Variants in VPS54 observed in about 807,000 individuals in gnomAD.
VPS54 encodes VPS54 subunit of GARP complex.
Under a neutral mutation model 121.5 loss-of-function variants are expected in VPS54, and 45 were observed. The observed-to-expected ratio is 0.37, with a 90% CI of 0.29 to 0.47. VPS54 has a LOEUF of 0.47. Among genes scored for constraint, VPS54 ranks in the 20% least tolerant of loss-of-function variants. The pLI, the probability that VPS54 is intolerant of heterozygous loss-of-function variation, is 0.99. For synonymous variants in VPS54, 371 were observed against 385.8 expected, an observed-to-expected ratio of 0.96 and a Z score of 0.45; for missense variants, 1,090 against 1,131.4, an observed-to-expected ratio of 0.96 and a Z score of 0.52.
intron 7 of VPS54, 80 bp downstream of exon 7, chr2:63,961,978 A>G: frequency 2.9e-6 from 4 of 1,374,400 alleles, no homozygotes; most frequent in Non-Finnish European, 2.9e-6. Flanking sequence ...GAATATATTC[A>G]CACTTTTAAC....
intron 1 of VPS54, among the ~76,000 whole-genome samples, chr2:63,988,101 C>A (rs1459836562): frequency 6.6e-6 from 1 of 152,168 alleles, no homozygotes; most frequent in Non-Finnish European, 1.5e-5. Flanking sequence ...TGTTTCAGAT[C>A]TTAGAAGAAG....
chr2:63,957,286 CA>C lies in VPS54; in HGVS notation c.1010+4771del, dbSNP rs774013483. On this transcript the variant is annotated intron_variant, in intron 7 of 22. Coordinates refer to ENST00000272322, the MANE Select transcript of VPS54 (RefSeq NM_016516.3). ...TGAAACCCTGTCTCTACTAAAAATA[CA>C]AAAAATTAGCCAGGTGTGGTGGCGG... 7.3e-5 allele frequency among the ~76,000 whole-genome samples: 11 copies of C among 151,668 alleles called. No individual in the cohort carries two copies. The South Asian group carries it at 1.7e-3, about 23-fold the overall frequency.
At chr2:63,913,514 A>G (rs997309966) in intron 17 of VPS54, among the ~76,000 whole-genome samples, 12 of 152,338 alleles carry the variant, frequency 7.9e-5, no homozygotes, top group African/African-American at 2.9e-4. Flanking sequence ...TACTGATAAG[A>G]AAAAAGTTGA....
intron 12 of VPS54, among the ~76,000 whole-genome samples, chr2:63,925,952 ATTTTCC>A (rs1397379948): frequency 6.6e-6 from 1 of 152,208 alleles, no homozygotes; most frequent in Non-Finnish European, 1.5e-5. Flanking sequence ...TAATTGCTAC[ATTTTCC>A]CATATGTGCC....
chr2:63,942,552 A>T lies in VPS54; in HGVS notation c.1311T>A (p.Asp437Glu). ...IDTDVVVKLA[D>E]QMRMLNFPQW... Reference sequence around the variant, plus strand: ...GGGGAAAATTCAACATTCTCATCTGATCTGCAAGCCTAGAAAAAAATAATT... The same window carrying T: ...GGGGAAAATTCAACATTCTCATCTGTTCTGCAAGCCTAGAAAAAAATAATT... Residue 437 changes from aspartate (D) to glutamate (E), a missense_variant, in exon 11 of 23, where the codon GAT becomes GAA. Around this residue, in one of 2 missense-constraint regions of VPS54, gnomAD observed 801 missense variants for 757.0 expected, o/e 1.06. Coordinates refer to ENST00000272322, the MANE Select transcript of VPS54 (RefSeq NM_016516.3). 1 of 1,586,258 alleles carries T rather than the reference A, an allele frequency of 6.3e-7. No individual in the cohort carries two copies. Among genetic ancestry groups the T allele is most frequent in the Non-Finnish European group, 8.6e-7 (1 of 1,164,748 alleles).
In VPS54 at chr2:63,981,661, T is replaced by C. The variant is rs1482228507; in HGVS notation, c.363A>G (p.Gln121=). ...QISKEHFTVY[Q]QEISQREKIH... The stretch of plus-strand genomic sequence containing the variant: ...TAGATATTACCTGAGAGATTTCCTG[T>C]TGATATACTGTAAAATGTTCCTTGC... The change falls in exon 3 of 23, where the codon CAA becomes CAG. Residue 121 remains glutamine, a synonymous_variant. Coordinates refer to ENST00000272322, the MANE Select transcript of VPS54 (RefSeq NM_016516.3). 1.3e-6 allele frequency: 2 copies of C among 1,596,352 alleles called. No homozygotes were observed. Among genetic ancestry groups the C allele is most frequent in the Non-Finnish European group, 8.5e-7 (1 of 1,170,800 alleles).
intron 6 of VPS54, among the ~76,000 whole-genome samples, chr2:63,964,389 T>A (rs973056491): frequency 6.6e-6 from 1 of 152,214 alleles, no homozygotes; most frequent in African/African-American, 2.4e-5. Flanking sequence ...GTTTACTTCC[T>A]ATTAAAATGC....
chr2:63,962,479 G>C, intron 6 of VPS54, 36 bp from the exon 7 acceptor site: 1 of 1,550,322 alleles, frequency 6.5e-7, no homozygotes, highest in Non-Finnish European at 8.7e-7. Flanking sequence ...GAAGTACTAT[G>C]AGCATACCTT....
intron 9 of VPS54, among the ~76,000 whole-genome samples, chr2:63,945,542 T>C (rs928633962): frequency 6.6e-6 from 1 of 151,850 alleles, no homozygotes; most frequent in African/African-American, 2.4e-5. Flanking sequence ...GAACTTAAGA[T>C]AAAAAAAAAT....
chr2:63,981,931 G>C, intron 2 of VPS54, 44 bp from the exon 3 acceptor site: 2 of 1,559,172 alleles, frequency 1.3e-6, no homozygotes, highest in Non-Finnish European at 1.7e-6. Flanking sequence ...CTGTAAAATT[G>C]GTTCTATGTT....
chr2:64,005,848 T>C (rs76548397), intron 1 of VPS54, among the ~76,000 whole-genome samples: 5,023 of 152,248 alleles, frequency 0.033, 206 homozygotes, highest in African/African-American at 0.1. Flanking sequence ...CTACAGACCC[T>C]ACAAGAGTCT....
At chr2:63,952,673 G>A (rs1170154046) in intron 7 of VPS54, among the ~76,000 whole-genome samples, 1 of 152,080 alleles carries the variant, frequency 6.6e-6, no homozygotes, top group Non-Finnish European at 1.5e-5. Flanking sequence ...TCTTACAACA[G>A]GAAATTATAT....
At chr2:63,926,063 T>C (rs753014010) in intron 12 of VPS54, among the ~76,000 whole-genome samples, 11 of 152,232 alleles carry the variant, frequency 7.2e-5, no homozygotes, top group East Asian at 3.8e-4. Context: ...CCAAATTACA[T>C]GGCTGTTGTT....
chr2:63,908,737 T>C lies in VPS54; in HGVS notation c.2625+3608A>G, dbSNP rs186731741. On this transcript the variant is annotated intron_variant, in intron 20 of 22. Transcript: ENST00000272322. ...AGTCAATATTTACTAGAACTTGCTA[T>C]AGTCAGATACATGATAAAAGGAAAG... 3.3e-5 allele frequency among the ~76,000 whole-genome samples: 5 copies of C among 152,316 alleles called. No individual in the cohort carries two copies. The East Asian group carries it at 9.7e-4, about 29-fold the overall frequency.
intron 1 of VPS54, among the ~76,000 whole-genome samples, chr2:64,009,802 AG>A (rs199564396): frequency 0.023 from 3,545 of 151,428 alleles, 142 homozygotes; most frequent in African/African-American, 0.082. Flanking sequence ...CAGTGGAGAG[AG>A]GCCATTTCAA....
chr2:63,927,979 A>T, intron 12 of VPS54, among the ~76,000 whole-genome samples: 1 of 152,204 alleles, frequency 6.6e-6, no homozygotes, highest in East Asian at 1.9e-4. Context: ...AGTGAAAAGA[A>T]ATGAATAAAG....
intron 20 of VPS54, among the ~76,000 whole-genome samples, chr2:63,907,943 C>T (rs1376739578): frequency 1.3e-5 from 2 of 152,112 alleles, no homozygotes; most frequent in African/African-American, 4.8e-5. Flanking sequence ...AACTCTTCTA[C>T]ATGGCAAGTA....
intron 7 of VPS54, among the ~76,000 whole-genome samples, chr2:63,959,205 G>A (rs1047164204): frequency 3.3e-5 from 5 of 152,102 alleles, no homozygotes; most frequent in African/African-American, 1.2e-4. Context: ...CAAAAGGAAA[G>A]ATAAAGTCAA....
rs779279818 is a variant in VPS54, at chr2:63,919,975, C to A, written c.2072G>T (p.Arg691Leu). Reference protein sequence around the residue: ...TKLSLLLDNERWKQADVPAEF... With the variant: ...TKLSLLLDNELWKQADVPAEF... ...TGCAGGAACATCTGCTTGCTTCCAG[C>A]GCTCATTGTCTAAGAGGAGGCTAGT... The change falls in exon 15 of 23, where the codon CGC becomes CTC. Residue 691 changes from arginine (R) to leucine (L), a missense_variant. Around this residue, in one of 2 missense-constraint regions of VPS54, gnomAD observed 289 missense variants for 374.4 expected, o/e 0.77. Coordinates refer to ENST00000272322, the MANE Select transcript of VPS54 (RefSeq NM_016516.3). 6.2e-7 allele frequency: 1 copy of A among 1,610,988 alleles called. No homozygotes were observed. Among genetic ancestry groups the A allele is most frequent in the Non-Finnish European group, 8.5e-7 (1 of 1,178,122 alleles).
Sources: allele counts gnomAD v4.1 joint callset (sites outside exome capture counted in the v4.1 genomes callset), GRCh38; gene constraint gnomAD v4.1.1; regional missense constraint gnomAD v4.1.1; transcripts MANE v1.5; gene names NCBI Gene and HGNC (gene_info 2026-07-23, HGNC 2026-07-21).